The following RARB variants were observed in gnomAD, a reference collection of about 807,000 sequenced individuals.
The protein encoded by RARB is HBV-activated protein.
RARB carries 17 observed loss-of-function variants against 51.9 expected under a neutral mutation model. The observed-to-expected ratio is 0.33, with a 90% CI of 0.22 to 0.49. The LOEUF (loss-of-function observed/expected upper bound fraction) is 0.49. RARB is among the 20% of genes least tolerant of loss of function. The pLI is 0.99. For synonymous variants in RARB, 215 were observed against 195.4 expected (o/e 1.10, Z -0.84); for missense variants, 369 against 550.8 (o/e 0.67, Z 3.30).
intron 2 of RARB, among the ~76,000 whole-genome samples, chr3:25,003,204 A>C (rs1697204037): frequency 6.6e-6 from 1 of 151,908 alleles, no homozygotes; most frequent in South Asian, 2.1e-4. Flanking sequence ...CAAAAAAAAA[A>C]AAAAACTGCT....
chr3:25,185,201 T>C (rs1414860423), intron 5 of RARB, among the ~76,000 whole-genome samples: 1 of 152,154 alleles, frequency 6.6e-6, no homozygotes, highest in Non-Finnish European at 1.5e-5. Context: ...GTTTGGGTAT[T>C]AGAAAAGACA....
chr3:25,182,000 T>C (rs964117272), intron 5 of RARB, among the ~76,000 whole-genome samples: 8 of 152,220 alleles, frequency 5.3e-5, no homozygotes, highest in Admixed American at 3.3e-4. Flanking sequence ...AACCATTACT[T>C]TATTAAAAAT....
chr3:25,418,276 A>G (rs1429831019), intron 5 of RARB, among the ~76,000 whole-genome samples: 2 of 152,204 alleles, frequency 1.3e-5, no homozygotes, highest in Non-Finnish European at 2.9e-5. Context: ...AGAAAGAGGT[A>G]AAAATATAAT....
intron 5 of RARB, among the ~76,000 whole-genome samples, chr3:25,250,394 T>A (rs574740380): frequency 6.6e-6 from 1 of 152,246 alleles, no homozygotes; most frequent in East Asian, 1.9e-4. Flanking sequence ...CAGCAGTGGT[T>A]GTGCTGCAGT....
At chr3:24,858,084 T>C (rs115013261) in intron 1 of RARB, among the ~76,000 whole-genome samples, 4,123 of 152,362 alleles carry the variant, frequency 0.027, 86 homozygotes, top group Middle Eastern at 0.058. Flanking sequence ...CCTAAGACTT[T>C]GCTTTCTTAA....
At chr3:25,228,207 G>A (rs1702097534) in intron 5 of RARB, among the ~76,000 whole-genome samples, 1 of 130,546 alleles carries the variant, frequency 7.7e-6, no homozygotes, top group Non-Finnish European at 1.6e-5. Context: ...CATCTATGGT[G>A]ACTTTGAGGG....
At position 25,377,697 on chromosome 3, in the gene RARB, T is replaced by C. The variant is rs532740248; in HGVS notation, c.179-83496T>C. On this transcript the variant is annotated intron_variant, in intron 5 of 11. Coordinates refer to the RARB transcript ENST00000383772. ...GAGACACAATTTCCAAATTGGGTCA[T>C]GTTCCATTGTTCCCTAGATCAGAAA... Among the ~76,000 whole-genome samples the C allele has an allele frequency of 3.3e-5, 5 of 152,300 alleles. No homozygotes were observed. The South Asian group carries it at 6.2e-4, about 19-fold the overall frequency.
intron 2 of RARB, among the ~76,000 whole-genome samples, chr3:24,946,013 C>T (rs764066969): frequency 2.6e-4 from 39 of 152,124 alleles, no homozygotes; most frequent in African/African-American, 8.0e-4. Context: ...CGCCTGTAAT[C>T]GCAGCACTTT....
chr3:25,511,555 A>G (rs1020943360), intron 3 of RARB, among the ~76,000 whole-genome samples: 8 of 152,200 alleles, frequency 5.3e-5, no homozygotes, highest in African/African-American at 1.9e-4. Context: ...TGAGACAGAA[A>G]TCGTTAAGTG....
chr3:25,213,038 A>G (rs780399552), intron 5 of RARB, among the ~76,000 whole-genome samples: 3 of 152,186 alleles, frequency 2.0e-5, no homozygotes, highest in African/African-American at 4.8e-5. Flanking sequence ...CTTAAAGACC[A>G]TGCTTTGCTT....
intron 5 of RARB, among the ~76,000 whole-genome samples, chr3:25,274,716 T>C (rs1703337171): frequency 6.6e-6 from 1 of 152,212 alleles, no homozygotes; most frequent in Admixed American, 6.5e-5. Flanking sequence ...CTTGACTTTC[T>C]TCCGCATGTC....
chr3:25,404,176 C>G (rs541293957), intron 5 of RARB, among the ~76,000 whole-genome samples: 1 of 152,260 alleles, frequency 6.6e-6, no homozygotes, highest in Admixed American at 6.5e-5. Context: ...TTGCTTTACA[C>G]TTTTTTCAGT....
At chr3:24,886,430 A>C in intron 2 of RARB, among the ~76,000 whole-genome samples, 1 of 143,878 alleles carries the variant, frequency 7.0e-6, no homozygotes, top group Non-Finnish European at 1.5e-5. Flanking sequence ...TCCCAGCATA[A>C]AGTATCTGTA....
chr3:24,982,419 A>G (rs1390042096), intron 2 of RARB, among the ~76,000 whole-genome samples: 1 of 152,180 alleles, frequency 6.6e-6, no homozygotes, highest in South Asian at 2.1e-4. Flanking sequence ...TAGGAAAGCT[A>G]AACTTTCAGA....
chr3:25,404,566 T>A (rs1284631820), intron 5 of RARB, among the ~76,000 whole-genome samples: 1 of 152,166 alleles, frequency 6.6e-6, no homozygotes, highest in Non-Finnish European at 1.5e-5. Flanking sequence ...CCAGGAATTA[T>A]GAAAAGGAAA....
At chr3:25,081,018 A>G (rs952761124) in intron 3 of RARB, among the ~76,000 whole-genome samples, 1 of 151,878 alleles carries the variant, frequency 6.6e-6, no homozygotes, top group Non-Finnish European at 1.5e-5. Flanking sequence ...TTACTTTATT[A>G]TCTTCTTCTA....
chr3:25,342,857 C>A (rs1332013440), intron 5 of RARB, among the ~76,000 whole-genome samples: 6 of 152,038 alleles, frequency 3.9e-5, no homozygotes, highest in African/African-American at 1.5e-4. Context: ...ATAGAAGGAT[C>A]TAAAGTGGTA....
chr3:25,365,504 GC>G (rs1553607911), intron 5 of RARB, among the ~76,000 whole-genome samples: 3 of 152,002 alleles, frequency 2.0e-5, no homozygotes, highest in Non-Finnish European at 4.4e-5. Flanking sequence ...GAACTGAGGG[GC>G]ATAAAACAAC....
chr3:25,141,516 C>A (rs1038696473), intron 4 of RARB, among the ~76,000 whole-genome samples: 1 of 152,116 alleles, frequency 6.6e-6, no homozygotes, highest in African/African-American at 2.4e-5. Flanking sequence ...TCTTGCCTCC[C>A]ATTGCCTGGA....
Sources: gnomAD v4.1 joint callset for allele counts (sites outside exome capture counted in the v4.1 genomes callset) on GRCh38, gnomAD v4.1.1 for gene constraint, MANE v1.5 for transcripts, NCBI Gene and HGNC (gene_info 2026-07-23, HGNC 2026-07-21) for gene names.